RASA2: variants seen among roughly 807,000 people sequenced by gnomAD.
The protein encoded by RASA2 is ras GTPase-activating protein 2.
A neutral mutation model predicts 118.2 loss-of-function variants in RASA2; 155 were observed. The ratio of observed to expected loss-of-function variants is 1.31; its 90% CI spans 1.15 to 1.50. RASA2 has a LOEUF of 1.50. RASA2 is among the 40% of genes most tolerant of loss of function. The pLI is 0.00. For missense variants in RASA2, 1,016 were observed against 1,009.6 expected, an observed-to-expected ratio of 1.01 and a Z score of -0.09; for synonymous variants, 353 against 349.1, an observed-to-expected ratio of 1.01 and a Z score of -0.12.
chr3:141,560,598 A>T (rs1054377554), intron 9 of RASA2, among the ~76,000 whole-genome samples: 2 of 152,184 alleles, frequency 1.3e-5, no homozygotes, highest in Admixed American at 1.3e-4. Context: ...CATTACACTG[A>T]TGTTAAATTC....
At chr3:141,566,957 G>A (rs964112982) in intron 9 of RASA2, among the ~76,000 whole-genome samples, 6 of 152,062 alleles carry the variant, frequency 3.9e-5, no homozygotes, top group Non-Finnish European at 8.8e-5. Flanking sequence ...AAAATCGTGG[G>A]TTCAAACAGC....
intron 17 of RASA2, among the ~76,000 whole-genome samples, chr3:141,583,374 G>A (rs374500201): frequency 1.5e-4 from 23 of 152,196 alleles, no homozygotes; most frequent in Admixed American, 1.1e-3. Flanking sequence ...GCAGTGAGCC[G>A]AGATCATGCC....
chr3:141,516,149 A>G (rs567286792), intron 2 of RASA2, among the ~76,000 whole-genome samples, 179 bp from the exon 3 acceptor site: 2 of 151,704 alleles, frequency 1.3e-5, no homozygotes, highest in Non-Finnish European at 2.9e-5. Flanking sequence ...ATGTATACAT[A>G]TGTAACAAAG....
chr3:141,549,472 A>T (rs913399740), intron 5 of RASA2, among the ~76,000 whole-genome samples: 21 of 134,708 alleles, frequency 1.6e-4, no homozygotes, highest in African/African-American at 5.5e-4. Context: ...AGTGTGTATG[A>T]GTGTGTGTGT....
Position 141,553,893 on chromosome 3 carries a change from C to A in RASA2, c.564C>A (p.Gly188=), listed in dbSNP as rs2082609800. 7 of 1,612,074 alleles carry A rather than the reference C, an allele frequency of 4.3e-6. No individual in the cohort carries two copies. Among genetic ancestry groups the A allele is most frequent in the Admixed American group, 1.7e-5 (1 of 59,910 alleles). ...KACHGLPLIN[G]QSCDPYATVS... The stretch of plus-strand genomic sequence containing the variant: ...GCCATGGGTTGCCTCTCATAAATGG[C>A]CAAAGCTGTGACCCTTATGCAACAG... Residue 188 remains glycine, a synonymous_variant, in exon 6 of 24, where the codon GGC becomes GGA. Transcript: ENST00000286364.
intron 11 of RASA2, among the ~76,000 whole-genome samples, chr3:141,572,217 G>A (rs2082935759): frequency 6.6e-6 from 1 of 151,692 alleles, no homozygotes; most frequent in Non-Finnish European, 1.5e-5. Flanking sequence ...TCAGCCTCCT[G>A]AGTAGCTGGG....
At chr3:141,607,827 G>T in intron 20 of RASA2, 67 bp downstream of exon 20, 1 of 1,425,994 alleles carries the variant, frequency 7.0e-7, no homozygotes, top group East Asian at 2.6e-5. Context: ...TTTGTATTTC[G>T]AGGTATTTGT....
In RASA2 at chr3:141,605,027, T is replaced by G. The variant is rs540636868; in HGVS notation, c.1934-2651T>G. The stretch of plus-strand genomic sequence containing the variant: ...TAAACATACTCCATTGTTTACTAGC[T>G]TCCATTGCTGCTGATGAGGATTTTG... On this transcript the variant is annotated intron_variant, in intron 19 of 23. Coordinates refer to ENST00000286364, the MANE Select transcript of RASA2 (RefSeq NM_006506.5). Among the ~76,000 whole-genome samples, 37 of 152,250 alleles carry G rather than the reference T, an allele frequency of 2.4e-4. 1 individual carries two copies. The East Asian group carries it at 6.9e-3, about 29-fold the overall frequency.
chr3:141,567,470 A>G (rs1163771163), intron 9 of RASA2, among the ~76,000 whole-genome samples: 1 of 152,206 alleles, frequency 6.6e-6, no homozygotes, highest in Middle Eastern at 3.2e-3. Context: ...TAAAATATGT[A>G]ATTTATTTCT....
At chr3:141,497,170 TG>T (rs1210099205) in intron 1 of RASA2, among the ~76,000 whole-genome samples, 1 of 48,994 alleles carries the variant, frequency 2.0e-5, no homozygotes, top group African/African-American at 8.8e-5. Context: ...TGTCGTGGGG[TG>T]GGGGGAGAGG....
intron 9 of RASA2, among the ~76,000 whole-genome samples, chr3:141,565,633 T>A (rs1338257412): frequency 6.6e-6 from 1 of 152,170 alleles, no homozygotes; most frequent in Admixed American, 6.5e-5. Context: ...ATGTAAGACG[T>A]CCCTTTACTC....
chr3:141,603,455 C>T (rs994707398), intron 19 of RASA2, among the ~76,000 whole-genome samples: 1 of 151,964 alleles, frequency 6.6e-6, no homozygotes. Flanking sequence ...CCTGTAATCC[C>T]AGCTACTCAG....
chr3:141,612,242 TA>T (rs1255760842), intron 23 of RASA2, 40 bp from the exon 24 acceptor site: 10 of 1,441,710 alleles, frequency 6.9e-6, no homozygotes, highest in Non-Finnish European at 9.6e-6. Flanking sequence ...TAAATTTTTG[TA>T]TTTCTTAAAT....
intron 3 of RASA2, among the ~76,000 whole-genome samples, chr3:141,526,406 G>A (rs550276023): frequency 7.6e-4 from 114 of 150,238 alleles, no homozygotes; most frequent in African/African-American, 2.6e-3. Flanking sequence ...TCCCTCTCCC[G>A]TACTTCCTTC....
chr3:141,545,668 G>A (rs1577713767), intron 5 of RASA2, among the ~76,000 whole-genome samples: 1 of 151,516 alleles, frequency 6.6e-6, no homozygotes, highest in South Asian at 2.1e-4. Context: ...GGCTGGTCTC[G>A]AACTCTTGAC....
At position 141,571,391 on chromosome 3, in the gene RASA2, C is replaced by T; in HGVS notation, c.1021-15C>T. The T allele has an allele frequency of 6.2e-7, 1 of 1,605,858 alleles. No homozygotes were observed. Among genetic ancestry groups the T allele is most frequent in the Non-Finnish European group, 8.5e-7 (1 of 1,176,896 alleles). ...CCTTGATGTTTGTGCTTGTTTTCTA[C>T]CTTTCTGTATTTAGCCAATATCTGC... On this transcript the variant is annotated splice_polypyrimidine_tract_variant and intron_variant, in intron 10 of 23. Coordinates refer to ENST00000286364, the MANE Select transcript of RASA2 (RefSeq NM_006506.5).
At chr3:141,553,695 C>T (rs762445862) in intron 5 of RASA2, among the ~76,000 whole-genome samples, 162 bp from the exon 6 acceptor site, 1 of 152,178 alleles carries the variant, frequency 6.6e-6, no homozygotes, top group Non-Finnish European at 1.5e-5. Context: ...TATGTCCATA[C>T]ATATTACTAC....
intron 9 of RASA2, among the ~76,000 whole-genome samples, chr3:141,566,171 T>G (rs1176414747): frequency 1.3e-5 from 2 of 152,062 alleles, no homozygotes; most frequent in African/African-American, 4.8e-5. Context: ...GAAGGAGGAG[T>G]GATAGAGTTA....
In RASA2 at chr3:141,553,795, G is replaced by T; in HGVS notation, c.528-62G>T. The T allele has an allele frequency of 1.9e-6, 3 of 1,567,008 alleles. No individual in the cohort carries two copies. In the East Asian group the frequency reaches 6.8e-5, roughly 36 times the overall value. On this transcript the variant is annotated intron_variant, in intron 5 of 23. Transcript: ENST00000286364. Reference sequence around the variant, plus strand: ...TTGAATGTATTAGTTTGTGTTTAAAGATAATGTTTTATCTTGTTTAACTGG... The same window carrying T: ...TTGAATGTATTAGTTTGTGTTTAAATATAATGTTTTATCTTGTTTAACTGG...
Sources: allele counts gnomAD v4.1 joint callset (sites outside exome capture counted in the v4.1 genomes callset), GRCh38; gene constraint gnomAD v4.1.1; transcripts MANE v1.5; gene names NCBI Gene and HGNC (gene_info 2026-07-23, HGNC 2026-07-21).